FSTL5: variants seen among roughly 807,000 people sequenced by gnomAD.
FSTL5 encodes follistatin-related protein 5.
Under a neutral mutation model 89.1 loss-of-function variants are expected in FSTL5, and 62 were observed. The ratio of observed to expected loss-of-function variants is 0.70; its 90% CI spans 0.57 to 0.86. The LOEUF (loss-of-function observed/expected upper bound fraction) is 0.86, where lower values mean the gene tolerates loss of function less well. Among genes scored for constraint, FSTL5 ranks in the 40% least tolerant of loss-of-function variants. The pLI, the probability that FSTL5 is intolerant of heterozygous loss-of-function variation, is 0.00. For missense variants in FSTL5, 1,057 were observed against 1,001.6 expected, an observed-to-expected ratio of 1.06 and a Z score of -0.75; for synonymous variants, 383 against 346.2, an observed-to-expected ratio of 1.11 and a Z score of -1.18.
At chr4:161,727,965 A>G (rs1411107274) in intron 6 of FSTL5, among the ~76,000 whole-genome samples, 1 of 152,204 alleles carries the variant, frequency 6.6e-6, no homozygotes, top group Non-Finnish European at 1.5e-5. Context: ...CCCTGGCGAC[A>G]GAGCTAGACT....
chr4:161,654,063 C>T (rs1720156459), intron 7 of FSTL5, among the ~76,000 whole-genome samples: 1 of 147,638 alleles, frequency 6.8e-6, no homozygotes, highest in African/African-American at 2.6e-5. Context: ...TGTGCAAGAA[C>T]TTATCTTATA....
chr4:162,067,454 T>C (rs1738957720), intron 2 of FSTL5, among the ~76,000 whole-genome samples: 1 of 152,106 alleles, frequency 6.6e-6, no homozygotes, highest in Non-Finnish European at 1.5e-5. Context: ...CTTGCATGCA[T>C]GTATCTTTAT....
At chr4:161,860,929 G>GCA (rs925222304) in intron 4 of FSTL5, among the ~76,000 whole-genome samples, 110 of 150,980 alleles carry the variant, frequency 7.3e-4, no homozygotes, top group African/African-American at 2.1e-3. Flanking sequence ...ACACACACAT[G>GCA]CACACACACA....
chr4:161,556,828 A>ATGTG (rs150645678), intron 8 of FSTL5, among the ~76,000 whole-genome samples: 5,403 of 147,396 alleles, frequency 0.037, 320 homozygotes, highest in African/African-American at 0.13. Context: ...TTATATATAT[A>ATGTG]TGTGTGTGTG....
intron 3 of FSTL5, among the ~76,000 whole-genome samples, chr4:161,960,139 A>G (rs1735134743): frequency 6.6e-6 from 1 of 150,856 alleles, no homozygotes; most frequent in Admixed American, 6.7e-5. Context: ...TAAACAGATT[A>G]AGAAAACCAG....
chr4:162,059,996 T>C (rs920963450), intron 2 of FSTL5, among the ~76,000 whole-genome samples: 3 of 152,200 alleles, frequency 2.0e-5, no homozygotes, highest in Non-Finnish European at 4.4e-5. Context: ...TGACTCAATA[T>C]GTTCTGTCTA....
At chr4:161,779,821 A>ATG (rs1267702879) in intron 4 of FSTL5, among the ~76,000 whole-genome samples, 902 of 63,036 alleles carry the variant, frequency 0.014, 44 homozygotes, top group East Asian at 0.039. Context: ...GTATATATAT[A>ATG]TATATATATA....
intron 2 of FSTL5, among the ~76,000 whole-genome samples, chr4:162,072,316 C>A (rs1486572246): frequency 1.3e-5 from 2 of 151,524 alleles, no homozygotes; most frequent in Non-Finnish European, 3.0e-5. Context: ...ACACACAGAA[C>A]AAAGATAAAA....
At chr4:161,971,826 A>C (rs2111015941) in intron 3 of FSTL5, among the ~76,000 whole-genome samples, 1 of 152,324 alleles carries the variant, frequency 6.6e-6, no homozygotes. Flanking sequence ...AAATACTAAC[A>C]TCTTTTCTCC....
intron 6 of FSTL5, among the ~76,000 whole-genome samples, chr4:161,689,683 C>A (rs775794422): frequency 6.6e-6 from 1 of 152,014 alleles, no homozygotes; most frequent in Non-Finnish European, 1.5e-5. Flanking sequence ...ATGACCTTAA[C>A]GTATACAACT....
chr4:161,481,234 A>C, intron 12 of FSTL5, 65 bp from the exon 13 acceptor site: 233 of 1,241,808 alleles, frequency 1.9e-4, no homozygotes, highest in Middle Eastern at 3.9e-4. Context: ...TGACAATATC[A>C]TGGGTAAAAT....
At chr4:161,901,214 T>C (rs753149459) in intron 4 of FSTL5, among the ~76,000 whole-genome samples, 2 of 150,678 alleles carry the variant, frequency 1.3e-5, no homozygotes, top group Non-Finnish European at 2.9e-5. Context: ...AACACCTAAA[T>C]TACTAGTAAC....
In FSTL5 at chr4:162,105,969, G is replaced by A. The variant is rs1033361705; in HGVS notation, c.126+5302C>T. ...CCCTCTAAGAAGTCAAAGTTTTGAT[G>A]TTTTCTTTAATGTTTGTCTCTTTCC... On this transcript the variant is annotated intron_variant, in intron 2 of 15. Coordinates refer to ENST00000306100, the MANE Select transcript of FSTL5 (RefSeq NM_020116.5). Among the ~76,000 whole-genome samples, 10 of 152,008 alleles carry A rather than the reference G, an allele frequency of 6.6e-5. 1 individual carries two copies. Among genetic ancestry groups the A allele is most frequent in the Admixed American group, 2.0e-4 (3 of 15,258 alleles).
At chr4:162,083,426 G>C (rs536694695) in intron 2 of FSTL5, among the ~76,000 whole-genome samples, 35 of 151,786 alleles carry the variant, frequency 2.3e-4, no homozygotes, top group African/African-American at 6.7e-4. Flanking sequence ...CAACTTTAGG[G>C]TGTAAAATAT....
intron 3 of FSTL5, among the ~76,000 whole-genome samples, chr4:161,932,899 C>A (rs1173387312): frequency 1.3e-5 from 2 of 152,002 alleles, no homozygotes; most frequent in African/African-American, 4.8e-5. Flanking sequence ...GATTGTTCTT[C>A]CCATCACTAG....
chr4:161,813,472 G>T (rs564176285), intron 4 of FSTL5, among the ~76,000 whole-genome samples: 1 of 152,150 alleles, frequency 6.6e-6, no homozygotes, highest in Non-Finnish European at 1.5e-5. Context: ...GTAGAATTCT[G>T]AATCAGCCAC....
chr4:161,641,499 GT>G (rs1267858707), intron 7 of FSTL5, among the ~76,000 whole-genome samples: 1 of 144,630 alleles, frequency 6.9e-6, no homozygotes. Flanking sequence ...GGGTTTTTTT[GT>G]TTTGTTTTGT....
intron 4 of FSTL5, among the ~76,000 whole-genome samples, chr4:161,890,914 A>T (rs982688542): frequency 9.2e-5 from 14 of 152,054 alleles, no homozygotes; most frequent in Non-Finnish European, 2.1e-4. Flanking sequence ...TTAAAATTAT[A>T]TACTGTCTCT....
intron 3 of FSTL5, among the ~76,000 whole-genome samples, chr4:161,994,873 G>A (rs1047560175): frequency 2.0e-5 from 3 of 152,092 alleles, no homozygotes; most frequent in African/African-American, 4.8e-5. Context: ...CTTTGCAGAA[G>A]CTCTTAAATT....
Sources: gnomAD v4.1 joint callset for allele counts (sites outside exome capture counted in the v4.1 genomes callset) on GRCh38, gnomAD v4.1.1 for gene constraint, MANE v1.5 for transcripts, NCBI Gene and HGNC (gene_info 2026-07-23, HGNC 2026-07-21) for gene names.